The following INSR variants were observed in gnomAD, a reference collection of about 807,000 sequenced individuals.
INSR encodes insulin receptor.
Under a neutral mutation model 142.6 loss-of-function variants are expected in INSR, and 67 were observed. That is an observed-to-expected ratio of 0.47 (90% CI 0.39 to 0.58). The LOEUF (loss-of-function observed/expected upper bound fraction) is 0.58. Ranked by LOEUF, INSR falls within the 20% of genes least tolerant of loss-of-function variation. The pLI is 0.00. For missense variants in INSR, 1,248 were observed against 1,833.2 expected (o/e 0.68, Z 5.83); for synonymous variants, 756 against 743.1 (o/e 1.02, Z -0.28).
intron 1 of INSR, chr19:7,268,700 G>A: frequency 1.6e-6 from 1 of 609,648 alleles, no homozygotes; most frequent in Non-Finnish European, 2.1e-6. Flanking sequence ...CTGAGACATA[G>A]TAAGTGCTGC....
intron 1 of INSR, among the ~76,000 whole-genome samples, chr19:7,285,957 T>A (rs1012849927): frequency 6.6e-6 from 1 of 152,120 alleles, no homozygotes; most frequent in African/African-American, 2.4e-5. Context: ...AAAAGCCAAT[T>A]TTACTGTATG....
chr19:7,220,613 G>A (rs913387683), intron 2 of INSR, among the ~76,000 whole-genome samples: 1 of 152,060 alleles, frequency 6.6e-6, no homozygotes, highest in Non-Finnish European at 1.5e-5. Flanking sequence ...TACAACTTGT[G>A]CCAACTCTAG....
intron 5 of INSR, among the ~76,000 whole-genome samples, chr19:7,171,400 A>T (rs1485039369): frequency 6.6e-6 from 1 of 152,046 alleles, no homozygotes; most frequent in African/African-American, 2.4e-5. Context: ...TACAGATGTG[A>T]GGCTGGGGCT....
intron 2 of INSR, among the ~76,000 whole-genome samples, chr19:7,219,524 G>GGAAA (rs1186854256): frequency 3.6e-4 from 42 of 116,524 alleles, no homozygotes; most frequent in Non-Finnish European, 5.7e-4. Flanking sequence ...AAGGAAAGAA[G>GGAAA]GAAGGAAGGA....
At chr19:7,212,820 C>T (rs887081650) in intron 2 of INSR, among the ~76,000 whole-genome samples, 1 of 151,954 alleles carries the variant, frequency 6.6e-6, no homozygotes, top group Non-Finnish European at 1.5e-5. Context: ...CTCCTGACCT[C>T]AGGTGATCCA....
At chr19:7,121,472 TTTTA>T (rs1272483639) in intron 19 of INSR, among the ~76,000 whole-genome samples, 1 of 151,904 alleles carries the variant, frequency 6.6e-6, no homozygotes, top group African/African-American at 2.4e-5. Context: ...TATATTCCTT[TTTTA>T]TTTGTTTTTT....
At chr19:7,282,829 C>T (rs1048638537) in intron 1 of INSR, among the ~76,000 whole-genome samples, 4 of 146,602 alleles carry the variant, frequency 2.7e-5, no homozygotes, top group African/African-American at 1.0e-4. Context: ...AAAAATTAGC[C>T]GGGGGCAGTG....
chr19:7,213,525 G>A (rs1161951280), intron 2 of INSR, among the ~76,000 whole-genome samples: 1 of 152,108 alleles, frequency 6.6e-6, no homozygotes, highest in African/African-American at 2.4e-5. Flanking sequence ...GCATCTCAGA[G>A]GGATAATTTA....
At chr19:7,164,419 C>T (rs892333701) in intron 8 of INSR, among the ~76,000 whole-genome samples, 19 of 152,110 alleles carry the variant, frequency 1.2e-4, no homozygotes, top group African/African-American at 4.6e-4. Flanking sequence ...CCCAGTGGCT[C>T]ATGCCTGTAA....
At chr19:7,187,788 G>C (rs1220082067) in intron 2 of INSR, among the ~76,000 whole-genome samples, 5 of 151,776 alleles carry the variant, frequency 3.3e-5, no homozygotes, top group Non-Finnish European at 5.9e-5. Flanking sequence ...GCCCAGGCTG[G>C]TCTCGAACTC....
At chr19:7,238,290 C>T (rs183684999) in intron 2 of INSR, among the ~76,000 whole-genome samples, 43 of 152,176 alleles carry the variant, frequency 2.8e-4, no homozygotes, top group Non-Finnish European at 4.9e-4. Context: ...AAAACGTCCA[C>T]GGGCAGGAGA....
chr19:7,173,981 G>A (rs10411667), intron 4 of INSR, among the ~76,000 whole-genome samples: 46,736 of 150,972 alleles, frequency 0.31, 10,315 homozygotes, highest in African/African-American at 0.62. Context: ...TTGCTTGATT[G>A]TTAAAAACGA....
At chr19:7,219,975 G>A (rs543287474) in intron 2 of INSR, among the ~76,000 whole-genome samples, 1 of 152,228 alleles carries the variant, frequency 6.6e-6, no homozygotes, top group South Asian at 2.1e-4. Flanking sequence ...GAACCTTCTG[G>A]GGTCACATGC....
At chr19:7,223,263 A>G (rs1478948227) in intron 2 of INSR, among the ~76,000 whole-genome samples, 1 of 152,224 alleles carries the variant, frequency 6.6e-6, no homozygotes, top group African/African-American at 2.4e-5. Context: ...TACATGTCAC[A>G]AGCATTAATT....
Position 7,292,863 on chromosome 19 carries a change from G to C in INSR, c.100+929C>G, listed in dbSNP as rs987223329. ...ACGAAAGGCTCACTCAAGGTCAAAG[G>C]CTCCTTCATGAAGCGCAGGGCTGAG... On this transcript the variant is annotated intron_variant, in intron 1 of 21. Coordinates refer to ENST00000302850, the MANE Select transcript of INSR (RefSeq NM_000208.4). 4.6e-5 allele frequency among the ~76,000 whole-genome samples: 7 copies of C among 152,114 alleles called. No individual in the cohort carries two copies. In the East Asian group the frequency reaches 1.4e-3, roughly 29 times the overall value.
chr19:7,253,175 C>A (rs1432366370), intron 2 of INSR, among the ~76,000 whole-genome samples: 3 of 151,352 alleles, frequency 2.0e-5, no homozygotes, highest in Admixed American at 6.6e-5. Flanking sequence ...AGGTACTTGA[C>A]AATGGTGGGC....
chr19:7,191,585 C>T (rs1299362222), intron 2 of INSR, among the ~76,000 whole-genome samples: 1 of 152,130 alleles, frequency 6.6e-6, no homozygotes, highest in Admixed American at 6.6e-5. Context: ...CTTTGGGAGG[C>T]TAACACGGGA....
chr19:7,274,390 C>G (rs148798302), intron 1 of INSR, among the ~76,000 whole-genome samples: 42 of 151,902 alleles, frequency 2.8e-4, no homozygotes, highest in African/African-American at 9.7e-4. Context: ...GGTCTGTGGC[C>G]TAAGGGTTGG....
Position 7,192,209 on chromosome 19 carries a change from A to C in INSR, c.653-7572T>G, listed in dbSNP as rs1461945046. On this transcript the variant is annotated intron_variant, in intron 2 of 21. Coordinates refer to ENST00000302850, the MANE Select transcript of INSR (RefSeq NM_000208.4). This position sits in a 1 kb window ranked among gnomAD's most constrained non-coding sequence, Gnocchi z 4.2. ...AGAAAAAAGAAAGAAAAAGAAAGAA[A>C]GGAGAAAGAAAAGAAAGAGAAAGAA... Among the ~76,000 whole-genome samples the C allele has an allele frequency of 6.8e-6, 1 of 147,990 alleles. No individual in the cohort carries two copies. Among genetic ancestry groups the C allele is most frequent in the African/African-American group, 2.5e-5 (1 of 40,646 alleles).
Sources: allele counts gnomAD v4.1 joint callset (sites outside exome capture counted in the v4.1 genomes callset), GRCh38; gene constraint gnomAD v4.1.1; non-coding constraint Gnocchi (gnomAD v3.1); transcripts MANE v1.5; gene names NCBI Gene and HGNC (gene_info 2026-07-23, HGNC 2026-07-21).